Variants in BMPR2 observed in about 807,000 individuals in gnomAD.
BMPR2 encodes bone morphogenetic protein receptor type 2.
Under a neutral mutation model 100.8 loss-of-function variants are expected in BMPR2, and 29 were observed. The ratio of observed to expected loss-of-function variants is 0.29; its 90% CI spans 0.21 to 0.39. The LOEUF (loss-of-function observed/expected upper bound fraction) is 0.39. BMPR2 is among the 10% of genes least tolerant of loss of function. The probability of loss-of-function intolerance (pLI) is 1.00; values close to 1 mark genes in which losing one functional copy is unlikely to be tolerated. For missense variants in BMPR2, 1,011 were observed against 1,274.5 expected, an observed-to-expected ratio of 0.79 and a Z score of 3.15; for synonymous variants, 382 against 442.3, an observed-to-expected ratio of 0.86 and a Z score of 1.71.
Position 202,560,009 on chromosome 2 carries a change from T to TA in BMPR2, c.*68dup. 6.3e-7 allele frequency: 1 copy of TA among 1,599,256 alleles called. No individual in the cohort carries two copies. The highest frequency in any genetic ancestry group is 1.7e-5 in the Admixed American group (1 of 58,434). ...ATCATTTAAACATGCAGAAGATGTT[T>TA]AAAAATAAAAAAAAAACTGCTTTAT... is the stretch of plus-strand genomic sequence containing the variant. On this transcript the variant is annotated 3_prime_UTR_variant, in exon 13 of 13. Coordinates refer to ENST00000374580, the MANE Select transcript of BMPR2 (RefSeq NM_001204.7).
chr2:202,551,130 C>T (rs570377804), intron 10 of BMPR2, among the ~76,000 whole-genome samples: 162 of 151,660 alleles, frequency 1.1e-3, no homozygotes, highest in South Asian at 7.3e-3. Context: ...CATATGGTTT[C>T]ATTTACTTAG....
At chr2:202,465,233 A>T (rs1692296902) in intron 2 of BMPR2, among the ~76,000 whole-genome samples, 1 of 152,072 alleles carries the variant, frequency 6.6e-6, no homozygotes, top group Non-Finnish European at 1.5e-5. Context: ...TACTAAAAAT[A>T]CAAAAATTAG....
intron 1 of BMPR2, among the ~76,000 whole-genome samples, chr2:202,410,431 A>G (rs1435993393): frequency 6.6e-6 from 1 of 152,240 alleles, no homozygotes; most frequent in Non-Finnish European, 1.5e-5. Context: ...GGGCATATGA[A>G]AGGATCTAAC....
intron 1 of BMPR2, among the ~76,000 whole-genome samples, chr2:202,461,595 A>G (rs1692226419): frequency 6.6e-6 from 1 of 152,212 alleles, no homozygotes; most frequent in Admixed American, 6.5e-5. Flanking sequence ...AGGAACTAAA[A>G]TCAAGCTTCA....
Position 202,495,450 on chromosome 2 carries a change from G to C in BMPR2, c.419-18269G>C, listed in dbSNP as rs113918335. Among the ~76,000 whole-genome samples the C allele has an allele frequency of 3.3e-5, 5 of 152,122 alleles. No individual in the cohort carries two copies. The highest frequency in any genetic ancestry group is 1.2e-4 in the African/African-American group (5 of 41,422). The stretch of plus-strand genomic sequence containing the variant: ...GCTCTTCTGCTGGCGTGCTCCTCTC[G>C]ACGACCAGCCACTTTCTTCCGCCGA... On this transcript the variant is annotated intron_variant, in intron 3 of 12. Coordinates refer to ENST00000374580, the MANE Select transcript of BMPR2 (RefSeq NM_001204.7). This position sits in a 1 kb window ranked among gnomAD's most constrained non-coding sequence, Gnocchi z 4.5.
chr2:202,429,856 A>G (rs888817769), intron 1 of BMPR2, among the ~76,000 whole-genome samples: 2 of 152,166 alleles, frequency 1.3e-5, no homozygotes, highest in Non-Finnish European at 2.9e-5. Context: ...TCATGAGAAC[A>G]GCATGGGGGA....
chr2:202,548,366 C>T lies in BMPR2; in HGVS notation c.1414-4350C>T, dbSNP rs534562686. ...ACATAGGAGGCTGAGGGAGGAGTAT[C>T]GCTTGAGCCTAGGAATGTGAAGCTG... On this transcript the variant is annotated intron_variant, in intron 10 of 12. Transcript: ENST00000374580. Among the ~76,000 whole-genome samples the T allele has an allele frequency of 9.7e-4, 148 of 152,114 alleles. 1 individual carries two copies. Among genetic ancestry groups the T allele is most frequent in the African/African-American group, 3.3e-3 (135 of 41,482 alleles).
intron 1 of BMPR2, among the ~76,000 whole-genome samples, chr2:202,428,940 T>C (rs1029658673): frequency 3.9e-5 from 6 of 152,130 alleles, no homozygotes; most frequent in African/African-American, 1.2e-4. Flanking sequence ...CAAGAGAGGG[T>C]TCTTGCACCT....
chr2:202,470,528 G>C (rs1320413957), intron 3 of BMPR2, among the ~76,000 whole-genome samples: 1 of 151,146 alleles, frequency 6.6e-6, no homozygotes, highest in Non-Finnish European at 1.5e-5. Context: ...TTGGGAGGCC[G>C]AGGCAGCTGG....
rs190419978 is a variant in BMPR2 at position 202,499,742 on chromosome 2, A to G, written c.419-13977A>G. Among the ~76,000 whole-genome samples the G allele has an allele frequency of 3.9e-3, 588 of 152,288 alleles. 4 individuals carry two copies. Among genetic ancestry groups the G allele is most frequent in the African/African-American group, 0.013 (532 of 41,548 alleles). On this transcript the variant is annotated intron_variant, in intron 3 of 12. Transcript: ENST00000374580. ...AGCCCTGAGCCCTGAACAAAAATCTAGAGGCATTATTAAACCTGGCAACCT... is the reference window on the plus strand; with the variant it reads ...AGCCCTGAGCCCTGAACAAAAATCTGGAGGCATTATTAAACCTGGCAACCT...
At chr2:202,383,004 ATAACTT>A (rs1022439269) in intron 1 of BMPR2, among the ~76,000 whole-genome samples, 3 of 152,246 alleles carry the variant, frequency 2.0e-5, no homozygotes, top group African/African-American at 7.2e-5. Context: ...CTCAAGTTCT[ATAACTT>A]TATTTCTACT....
chr2:202,382,074 T>C (rs1051035148), intron 1 of BMPR2, among the ~76,000 whole-genome samples: 13 of 149,940 alleles, frequency 8.7e-5, no homozygotes, highest in Non-Finnish European at 1.5e-4. Context: ...TTTTTTTTTT[T>C]TTTGAGATGG....
intron 1 of BMPR2, among the ~76,000 whole-genome samples, chr2:202,462,229 ATTT>A (rs550364869): frequency 3.0e-5 from 4 of 135,192 alleles, no homozygotes. Flanking sequence ...AGGAACCACT[ATTT>A]TTTTTTTTTT....
chr2:202,406,389 C>T (rs1559028416), intron 1 of BMPR2, among the ~76,000 whole-genome samples: 1 of 152,092 alleles, frequency 6.6e-6, no homozygotes, highest in Non-Finnish European at 1.5e-5. Flanking sequence ...TTTTGAGAAC[C>T]CTGGCTAGTC....
intron 5 of BMPR2, among the ~76,000 whole-genome samples, chr2:202,517,182 T>C (rs1687727187): frequency 6.7e-6 from 1 of 149,716 alleles, no homozygotes; most frequent in Non-Finnish European, 1.5e-5. Context: ...ACCGTGCCAC[T>C]GCACTCCAGC....
Position 202,513,745 on chromosome 2 carries a change from G to A in BMPR2, c.445G>A (p.Glu149Lys), listed in dbSNP as rs529914454. The change falls in exon 4 of 13, where the codon GAG (glutamate) becomes AAG (lysine). Residue 149 changes from glutamate to lysine, a missense_variant. This residue lies in a region of BMPR2 where 355 missense variants were observed against 455.3 expected (regional missense o/e 0.78). Coordinates refer to ENST00000374580, the MANE Select transcript of BMPR2 (RefSeq NM_001204.7). ...TCCACCTCATTCATTTAACCGAGATGAGACAATAATCATTGCTTTGGCATC... is the reference window on the plus strand; with the variant it reads ...TCCACCTCATTCATTTAACCGAGATAAGACAATAATCATTGCTTTGGCATC... Reference protein sequence around the residue: ...LSPPHSFNRDETIIIALASVS... With the variant: ...LSPPHSFNRDKTIIIALASVS... The A allele has an allele frequency of 3.1e-6, 5 of 1,613,236 alleles. No homozygotes were observed. The African/African-American group carries it at 6.7e-5, about 22-fold the overall frequency.
In BMPR2 at chr2:202,503,363, G is replaced by A. The variant is rs1482282341; in HGVS notation, c.419-10356G>A. Among the ~76,000 whole-genome samples, 2 of 152,242 alleles carry A rather than the reference G, an allele frequency of 1.3e-5. No individual in the cohort carries two copies. Among genetic ancestry groups the A allele is most frequent in the East Asian group, 3.9e-4 (2 of 5,178 alleles). ...GCCAAGGCCGGAGCCCACTCCCTCA[G>A]CTTGCAGGGAGGTGTGGAGGGAGAG... On this transcript the variant is annotated intron_variant, in intron 3 of 12. Coordinates refer to ENST00000374580, the MANE Select transcript of BMPR2 (RefSeq NM_001204.7). This position sits in a 1 kb window ranked among gnomAD's most constrained non-coding sequence, Gnocchi z 4.0.
intron 1 of BMPR2, among the ~76,000 whole-genome samples, chr2:202,394,317 C>T (rs1218732184): frequency 6.6e-6 from 1 of 151,612 alleles, no homozygotes; most frequent in African/African-American, 2.4e-5. Flanking sequence ...TGCCATTGCA[C>T]TCCAGCCTAG....
chr2:202,429,855 C>T (rs1054105188), intron 1 of BMPR2, among the ~76,000 whole-genome samples: 1 of 152,118 alleles, frequency 6.6e-6, no homozygotes, highest in African/African-American at 2.4e-5. Context: ...GTCATGAGAA[C>T]AGCATGGGGG....
Sources: gnomAD v4.1 joint callset for allele counts (sites outside exome capture counted in the v4.1 genomes callset) on GRCh38, gnomAD v4.1.1 for gene constraint, gnomAD v4.1.1 regional missense constraint, Gnocchi (gnomAD v3.1) non-coding constraint, MANE v1.5 for transcripts, NCBI Gene and HGNC (gene_info 2026-07-23, HGNC 2026-07-21) for gene names.